The following EPHA3 variants were observed in gnomAD, a reference collection of about 807,000 sequenced individuals.
EPHA3 encodes ephrin type-A receptor 3.
Under a neutral mutation model 107.1 loss-of-function variants are expected in EPHA3, and 42 were observed. The observed-to-expected ratio is 0.39, with a 90% CI of 0.31 to 0.51. EPHA3 has a LOEUF of 0.51. Among genes scored for constraint, EPHA3 ranks in the 20% least tolerant of loss-of-function variants. EPHA3 has a pLI of 0.78. For synonymous variants in EPHA3, 461 were observed against 424.8 expected, an observed-to-expected ratio of 1.09 and a Z score of -1.05; for missense variants, 1,183 against 1,211.2, an observed-to-expected ratio of 0.98 and a Z score of 0.35.
At chr3:89,406,517 T>G (rs1051946056) in intron 7 of EPHA3, among the ~76,000 whole-genome samples, 1 of 152,180 alleles carries the variant, frequency 6.6e-6, no homozygotes, top group African/African-American at 2.4e-5. Flanking sequence ...ATAGACAATA[T>G]ACAAATTAAT....
intron 5 of EPHA3, among the ~76,000 whole-genome samples, chr3:89,373,063 C>A (rs1454207725): frequency 1.3e-5 from 2 of 151,694 alleles, no homozygotes; most frequent in Non-Finnish European, 2.9e-5. Flanking sequence ...ATTATTTTTA[C>A]TTACTAATTT....
intron 5 of EPHA3, among the ~76,000 whole-genome samples, chr3:89,382,042 TAGCC>T (rs1263754452): frequency 1.5e-4 from 23 of 152,174 alleles, no homozygotes; most frequent in African/African-American, 5.6e-4. Context: ...ACATGCCAAA[TAGCC>T]AGCTATTTCT....
intron 1 of EPHA3, among the ~76,000 whole-genome samples, chr3:89,109,079 A>T (rs1331161408): frequency 6.6e-6 from 1 of 152,118 alleles, no homozygotes; most frequent in Non-Finnish European, 1.5e-5. Flanking sequence ...ATACTCGGTG[A>T]CCTACTTTCA....
At chr3:89,245,153 G>A (rs1705002693) in intron 3 of EPHA3, among the ~76,000 whole-genome samples, 1 of 152,072 alleles carries the variant, frequency 6.6e-6, no homozygotes. Flanking sequence ...GAAATAATTA[G>A]TACATACATG....
rs558772958 is a variant in EPHA3 at position 89,353,219 on chromosome 3, C to T, written c.1306+11129C>T. On this transcript the variant is annotated intron_variant, in intron 5 of 16. Transcript: ENST00000336596. The stretch of plus-strand genomic sequence containing the variant: ...ATAGTCCCTATAGAACTGTATGTTG[C>T]CGTGTAATTATACTCCTTGGAAGTA... Among the ~76,000 whole-genome samples the T allele has an allele frequency of 1.1e-3, 172 of 151,314 alleles. 10 individuals carry two copies. Among genetic ancestry groups the T allele is most frequent in the Non-Finnish European group, 2.1e-3 (144 of 67,610 alleles).
chr3:89,475,555 A>G (rs1576397961), intron 16 of EPHA3, among the ~76,000 whole-genome samples: 1 of 152,362 alleles, frequency 6.6e-6, no homozygotes, highest in East Asian at 1.9e-4. Flanking sequence ...TAATAAATAC[A>G]TATTTCAAGA....
In EPHA3 at chr3:89,210,595, G is replaced by A. The variant is rs1288273407; in HGVS notation, c.814+75G>A. The A allele has an allele frequency of 7.6e-5, 109 of 1,438,244 alleles. No homozygotes were observed. In the East Asian group the frequency reaches 2.5e-3, roughly 34 times the overall value. The allele number at this position is 1,438,244 out of a possible 1,614,324, so 89.1% of individuals were successfully genotyped here. A position where few individuals can be genotyped will look rare whatever the true frequency, so the allele number is the denominator to read the frequency against. On this transcript the variant is annotated intron_variant, in intron 3 of 16. Coordinates refer to ENST00000336596, the MANE Select transcript of EPHA3 (RefSeq NM_005233.6). ...TTATCATAGTGTCATTAAATGAAAT[G>A]CACTCAGTCTCAACTCACTTGGCAG...
intron 3 of EPHA3, among the ~76,000 whole-genome samples, chr3:89,327,023 G>A (rs916576600): frequency 3.9e-5 from 6 of 151,934 alleles, no homozygotes; most frequent in Middle Eastern, 3.2e-3. Flanking sequence ...AAAGTTTTTC[G>A]GTTGCCTTAT....
At chr3:89,273,997 T>A (rs972660046) in intron 3 of EPHA3, among the ~76,000 whole-genome samples, 1 of 151,700 alleles carries the variant, frequency 6.6e-6, no homozygotes, top group South Asian at 2.1e-4. Flanking sequence ...AGTGTGAGAG[T>A]TGAAATAAGA....
chr3:89,204,525 T>A (rs1214175138), intron 2 of EPHA3, among the ~76,000 whole-genome samples: 97 of 150,918 alleles, frequency 6.4e-4, no homozygotes, highest in African/African-American at 2.3e-3. Context: ...AAAAAAACAA[T>A]TCTATTCCTC....
chr3:89,273,338 T>C (rs1003245397), intron 3 of EPHA3, among the ~76,000 whole-genome samples: 2 of 151,998 alleles, frequency 1.3e-5, no homozygotes, highest in African/African-American at 4.8e-5. Flanking sequence ...TGTTGCCATT[T>C]CTGTATTCTA....
At chr3:89,199,235 C>T (rs1288303623) in intron 2 of EPHA3, among the ~76,000 whole-genome samples, 1 of 152,130 alleles carries the variant, frequency 6.6e-6, no homozygotes, top group Non-Finnish European at 1.5e-5. Flanking sequence ...ATCGTATTGA[C>T]TCCCACTTTA....
chr3:89,199,837 C>T (rs1467573007), intron 2 of EPHA3, among the ~76,000 whole-genome samples: 2 of 152,118 alleles, frequency 1.3e-5, no homozygotes, highest in Non-Finnish European at 2.9e-5. Flanking sequence ...AATCCAATGC[C>T]TCATGTAGCC....
At position 89,480,301 on chromosome 3, in the gene EPHA3, A is replaced by G. The variant is rs1710599053; in HGVS notation, c.*799A>G. 4.3e-6 allele frequency: 1 copy of G among 232,966 alleles called. No individual in the cohort carries two copies. Among genetic ancestry groups the G allele is most frequent in the Non-Finnish European group, 8.5e-6 (1 of 117,832 alleles). 14.4% of individuals were successfully genotyped at this position (232,966 alleles called of 1,614,324 possible). A position where few individuals can be genotyped will look rare whatever the true frequency, so the allele number is the denominator to read the frequency against. On this transcript the variant is annotated 3_prime_UTR_variant, in exon 17 of 17. Transcript: ENST00000336596. Reference sequence around the variant, plus strand: ...CAGATTTTTTGAACCATCCACTTACATATATTTTTAAAAAATGAAATCCTT... The same window carrying G: ...CAGATTTTTTGAACCATCCACTTACGTATATTTTTAAAAAATGAAATCCTT...
At chr3:89,252,973 T>C (rs1223022232) in intron 3 of EPHA3, among the ~76,000 whole-genome samples, 1 of 151,796 alleles carries the variant, frequency 6.6e-6, no homozygotes, top group Non-Finnish European at 1.5e-5. Flanking sequence ...TACTTTAAAC[T>C]TGCTTTACTT....
At chr3:89,355,059 A>T (rs1479085185) in intron 5 of EPHA3, among the ~76,000 whole-genome samples, 1 of 151,098 alleles carries the variant, frequency 6.6e-6, no homozygotes, top group African/African-American at 2.4e-5. Context: ...ATCCAGAAAT[A>T]ACCTCTTACT....
At chr3:89,267,798 C>T (rs1238769807) in intron 3 of EPHA3, among the ~76,000 whole-genome samples, 2 of 151,984 alleles carry the variant, frequency 1.3e-5, no homozygotes, top group African/African-American at 4.8e-5. Context: ...TAAATGAAGG[C>T]CAAACTGACT....
At chr3:89,209,561 A>G (rs1188960274) in intron 2 of EPHA3, among the ~76,000 whole-genome samples, 1 of 152,154 alleles carries the variant, frequency 6.6e-6, no homozygotes, top group Non-Finnish European at 1.5e-5. Context: ...TTATAGTGTC[A>G]TTGGAGACAA....
chr3:89,323,642 GA>G (rs1707094242), intron 3 of EPHA3, among the ~76,000 whole-genome samples: 1 of 151,894 alleles, frequency 6.6e-6, no homozygotes, highest in Admixed American at 6.6e-5. Flanking sequence ...TTCTATTTTT[GA>G]AGACAAGTAT....
Sources: allele counts gnomAD v4.1 joint callset (sites outside exome capture counted in the v4.1 genomes callset), GRCh38; gene constraint gnomAD v4.1.1; transcripts MANE v1.5; gene names NCBI Gene and HGNC (gene_info 2026-07-23, HGNC 2026-07-21).